The following ARIH2 variants were observed in gnomAD, a reference collection of about 807,000 sequenced individuals.
ARIH2 encodes the protein E3 ubiquitin-protein ligase ARIH2.
In ARIH2, 12 loss-of-function variants were observed where a neutral mutation model predicts 79.8. The ratio of observed to expected loss-of-function variants is 0.15; its 90% CI spans 0.10 to 0.24. The LOEUF (loss-of-function observed/expected upper bound fraction) is 0.24, where lower values mean the gene tolerates loss of function less well. ARIH2 is among the 10% of genes least tolerant of loss of function. The pLI, the probability that ARIH2 is intolerant of heterozygous loss-of-function variation, is 1.00. For missense variants in ARIH2, 301 were observed against 618.3 expected (o/e 0.49, Z 5.44); for synonymous variants, 224 against 213.9 (o/e 1.05, Z -0.41).
chr3:48,949,021 G>A (rs543323805), intron 3 of ARIH2: 1 of 456,268 alleles, frequency 2.2e-6, no homozygotes, highest in South Asian at 1.6e-5. Context: ...GACCATTCAT[G>A]GCCAGGGCTT....
intron 3 of ARIH2, among the ~76,000 whole-genome samples, chr3:48,952,420 T>G (rs2090078468): frequency 6.6e-6 from 1 of 152,234 alleles, no homozygotes; most frequent in Non-Finnish European, 1.5e-5. Context: ...AGGTAGGAAC[T>G]GATCCTGGCA....
At position 48,920,207 on chromosome 3, in the gene ARIH2, C is replaced by G. The variant is rs186817512; in HGVS notation, c.-162+1209C>G. Among the ~76,000 whole-genome samples, 34 of 152,128 alleles carry G rather than the reference C, an allele frequency of 2.2e-4. No individual in the cohort carries two copies. The East Asian group carries it at 4.3e-3, about 19-fold the overall frequency. On this transcript the variant is annotated intron_variant, in intron 1 of 15. Transcript: ENST00000356401. ...GGTTGCCTAAGCTGGTCTTGAACTG[C>G]TGGGCTCAAGCTATCCTCCCGGTTT...
intron 3 of ARIH2, among the ~76,000 whole-genome samples, chr3:48,959,673 A>AAAAAAAAAAAAAAAC (rs2091040972): frequency 1.3e-5 from 2 of 150,846 alleles, no homozygotes; most frequent in African/African-American, 2.4e-5. Context: ...AAAAAAAAAA[A>AAAAAAAAAAAAAAAC]AAGAAAAGAA....
chr3:48,967,903 CTT>C (rs1483886025), intron 6 of ARIH2, among the ~76,000 whole-genome samples: 2 of 152,282 alleles, frequency 1.3e-5, no homozygotes, highest in African/African-American at 2.4e-5. Flanking sequence ...TCTCTCTTCT[CTT>C]TGAATAAATT....
intron 8 of ARIH2, 161 bp from the exon 9 acceptor site, chr3:48,973,538 C>G (rs1042299047): frequency 1.9e-6 from 1 of 521,702 alleles, no homozygotes; most frequent in Non-Finnish European, 3.4e-6. Context: ...GATCACGCCA[C>G]TACACTCCAG....
At chr3:48,945,721 G>A (rs181521440) in intron 3 of ARIH2, among the ~76,000 whole-genome samples, 1 of 152,220 alleles carries the variant, frequency 6.6e-6, no homozygotes, top group African/African-American at 2.4e-5. Flanking sequence ...GAAGGGACTT[G>A]GTAGAAATCA....
At chr3:48,935,227 A>G (rs1238042268) in intron 3 of ARIH2, among the ~76,000 whole-genome samples, 3 of 152,218 alleles carry the variant, frequency 2.0e-5, no homozygotes, top group African/African-American at 7.2e-5. Flanking sequence ...ATAACAGGAA[A>G]AATAACTGTA....
chr3:48,946,366 T>C (rs2089143319), intron 3 of ARIH2, among the ~76,000 whole-genome samples: 2 of 151,826 alleles, frequency 1.3e-5, no homozygotes, highest in South Asian at 4.1e-4. Context: ...CTACTGAACA[T>C]GTTTTGAGGG....
At chr3:48,940,471 G>A (rs894628201) in intron 3 of ARIH2, among the ~76,000 whole-genome samples, 9 of 150,830 alleles carry the variant, frequency 6.0e-5, no homozygotes, top group Non-Finnish European at 3.0e-5. Flanking sequence ...AGGCCCAGGC[G>A]GGCAGATCAC....
chr3:48,951,530 A>G (rs2089955786), intron 3 of ARIH2, among the ~76,000 whole-genome samples: 1 of 152,192 alleles, frequency 6.6e-6, no homozygotes, highest in Admixed American at 6.5e-5. Flanking sequence ...TAGTGTTGAT[A>G]GAATTCATCA....
At chr3:48,954,011 A>AT (rs2090297231) in intron 3 of ARIH2, among the ~76,000 whole-genome samples, 1 of 151,696 alleles carries the variant, frequency 6.6e-6, no homozygotes, top group Admixed American at 6.6e-5. Flanking sequence ...AAATACAAAA[A>AT]TTAGCCGGGA....
intron 4 of ARIH2, among the ~76,000 whole-genome samples, chr3:48,963,975 AGTTT>A (rs1215242639): frequency 6.6e-6 from 1 of 151,762 alleles, no homozygotes; most frequent in Non-Finnish European, 1.5e-5. Flanking sequence ...GATTTTTAGG[AGTTT>A]TGTTTACTCT....
At chr3:48,972,676 A>G (rs537551201) in intron 8 of ARIH2, among the ~76,000 whole-genome samples, 3 of 152,234 alleles carry the variant, frequency 2.0e-5, no homozygotes, top group South Asian at 4.1e-4. Context: ...GGGTCTTCCT[A>G]TGTTGCCTAG....
intron 5 of ARIH2, 29 bp downstream of exon 5, chr3:48,965,011 C>T: frequency 6.3e-7 from 1 of 1,598,480 alleles, no homozygotes; most frequent in Non-Finnish European, 8.6e-7. Flanking sequence ...AATGAGGCTT[C>T]TCCTAATTGC....
At chr3:48,939,299 T>C (rs1420256972) in intron 3 of ARIH2, among the ~76,000 whole-genome samples, 1 of 151,698 alleles carries the variant, frequency 6.6e-6, no homozygotes, top group African/African-American at 2.4e-5. Context: ...TGCAGAGAAA[T>C]AGGACCCTTA....
chr3:48,954,995 C>A (rs2090413535), intron 3 of ARIH2, among the ~76,000 whole-genome samples: 1 of 152,068 alleles, frequency 6.6e-6, no homozygotes, highest in Admixed American at 6.5e-5. Flanking sequence ...GTCAGGAGTT[C>A]GAGACCAGCC....
chr3:48,954,251 C>T (rs982888674), intron 3 of ARIH2, among the ~76,000 whole-genome samples: 4 of 151,846 alleles, frequency 2.6e-5, no homozygotes, highest in African/African-American at 4.8e-5. Context: ...GTCAGGAGAT[C>T]GAGACCATCC....
intron 3 of ARIH2, among the ~76,000 whole-genome samples, chr3:48,931,744 C>T (rs867538119): frequency 6.6e-6 from 1 of 151,958 alleles, no homozygotes; most frequent in Non-Finnish European, 1.5e-5. Context: ...CAGCCGGGTG[C>T]GGTGGCTCAC....
chr3:48,968,601 C>T lies in ARIH2; in HGVS notation c.606C>T (p.Pro202=), dbSNP rs781280521. 1 of 1,611,742 alleles carries T rather than the reference C, an allele frequency of 6.2e-7. No homozygotes were observed. The highest frequency in any genetic ancestry group is 1.3e-5 in the African/African-American group (1 of 74,836). ...TPEDFVFPLL[P]NEELREKYRR... is the part of the protein sequence containing the mutation. ...AGGACTTTGTGTTTCCATTGCTTCC[C>T]AATGAAGAATTGAGAGAGAAATACA... Residue 202 remains proline (P), a synonymous_variant, in exon 7 of 16, where the codon CCC becomes CCT. Transcript: ENST00000356401.
Sources: allele counts gnomAD v4.1 joint callset (sites outside exome capture counted in the v4.1 genomes callset), GRCh38; gene constraint gnomAD v4.1.1; transcripts MANE v1.5; gene names NCBI Gene and HGNC (gene_info 2026-07-23, HGNC 2026-07-21).